Variants in MCCC2 observed in about 807,000 individuals in gnomAD.
The protein encoded by MCCC2 is methylcrotonyl-CoA carboxylase subunit 2.
Under a neutral mutation model 77.2 loss-of-function variants are expected in MCCC2, and 52 were observed. The ratio of observed to expected loss-of-function variants is 0.67; its 90% CI spans 0.54 to 0.85. The LOEUF is 0.85. Among genes scored for constraint, MCCC2 ranks in the 40% least tolerant of loss-of-function variants. The pLI is 0.00. For synonymous variants in MCCC2, 253 were observed against 248.4 expected (o/e 1.02, Z -0.18); for missense variants, 682 against 703.2 (o/e 0.97, Z 0.34).
chr5:71,608,374 T>A (rs1163814753), intron 6 of MCCC2, among the ~76,000 whole-genome samples: 2 of 114,576 alleles, frequency 1.7e-5, no homozygotes, highest in Non-Finnish European at 3.5e-5. Context: ...TTAAAGTCTG[T>A]TTTATCAGAG....
chr5:71,647,131 T>C (rs1747293681), intron 13 of MCCC2, among the ~76,000 whole-genome samples: 1 of 152,184 alleles, frequency 6.6e-6, no homozygotes, highest in Non-Finnish European at 1.5e-5. Flanking sequence ...GTCTGAGATA[T>C]ACAGGGCACT....
intron 5 of MCCC2, among the ~76,000 whole-genome samples, chr5:71,603,916 C>T (rs1745560267): frequency 1.3e-5 from 2 of 152,164 alleles, no homozygotes; most frequent in South Asian, 4.1e-4. Context: ...ATGAGCTCTG[C>T]TTTGAACGCA....
chr5:71,594,645 A>AG (rs1745104810), intron 2 of MCCC2, among the ~76,000 whole-genome samples: 1 of 151,976 alleles, frequency 6.6e-6, no homozygotes, highest in Non-Finnish European at 1.5e-5. Context: ...TGGTGGCCAC[A>AG]GGAGGGTAGA....
At chr5:71,607,517 CA>C (rs2112342589) in intron 6 of MCCC2, among the ~76,000 whole-genome samples, 1 of 145,616 alleles carries the variant, frequency 6.9e-6, no homozygotes, top group African/African-American at 2.5e-5. Flanking sequence ...TTGATCCTTT[CA>C]AAAAACCAGC....
chr5:71,619,847 C>T (rs1327407720), intron 6 of MCCC2, among the ~76,000 whole-genome samples: 1 of 151,794 alleles, frequency 6.6e-6, no homozygotes. Context: ...AAAAATTAGC[C>T]GGGCATGGTG....
intron 6 of MCCC2, among the ~76,000 whole-genome samples, chr5:71,612,339 T>C (rs1422144837): frequency 6.6e-6 from 1 of 152,226 alleles, no homozygotes; most frequent in African/African-American, 2.4e-5. Context: ...TATATCTTTT[T>C]GATTTTTCTA....
chr5:71,636,112 C>T (rs1201669085), intron 10 of MCCC2: 1 of 414,254 alleles, frequency 2.4e-6, no homozygotes, highest in Non-Finnish European at 4.8e-6. Context: ...AGAAATTCTT[C>T]ATGAAATATT....
intron 12 of MCCC2, among the ~76,000 whole-genome samples, chr5:71,644,358 T>C (rs1051136525): frequency 1.3e-5 from 2 of 152,158 alleles, no homozygotes; most frequent in Admixed American, 6.5e-5. Flanking sequence ...TTCTCTTCTA[T>C]CCCATTATCG....
intron 6 of MCCC2, among the ~76,000 whole-genome samples, chr5:71,611,306 G>A (rs1238191887): frequency 6.6e-6 from 1 of 152,174 alleles, no homozygotes; most frequent in Non-Finnish European, 1.5e-5. Context: ...GGAGGCTGAG[G>A]TAGGAGGATC....
chr5:71,637,809 C>T (rs1210752937), intron 10 of MCCC2, among the ~76,000 whole-genome samples: 1 of 152,124 alleles, frequency 6.6e-6, no homozygotes, highest in African/African-American at 2.4e-5. Context: ...AGCTCAGCCT[C>T]CTGGGTTCAT....
At chr5:71,639,310 CT>C (rs910307947) in intron 10 of MCCC2, among the ~76,000 whole-genome samples, 1 of 152,144 alleles carries the variant, frequency 6.6e-6, no homozygotes, top group African/African-American at 2.4e-5. Context: ...CATCAATGAT[CT>C]TAGCTAGATC....
intron 4 of MCCC2, among the ~76,000 whole-genome samples, chr5:71,602,221 G>A (rs758405669): frequency 1.6e-4 from 24 of 151,846 alleles, no homozygotes; most frequent in Non-Finnish European, 3.2e-4. Flanking sequence ...TATGACACAA[G>A]GCTTAGGTTG....
chr5:71,648,988 G>T, intron 13 of MCCC2, 109 bp from the exon 14 acceptor site: 1 of 1,245,908 alleles, frequency 8.0e-7, no homozygotes. Context: ...CTTAAGGCGA[G>T]AGGCATTTAG....
At chr5:71,634,669 G>A (rs988562849) in intron 8 of MCCC2, among the ~76,000 whole-genome samples, 2 of 152,154 alleles carry the variant, frequency 1.3e-5, no homozygotes, top group Non-Finnish European at 2.9e-5. Context: ...AATAGAAGGC[G>A]GGGGTTCTTA....
At chr5:71,635,502 ATAAG>A in intron 10 of MCCC2, 1 of 528,306 alleles carries the variant, frequency 1.9e-6, no homozygotes, top group South Asian at 1.9e-5. Flanking sequence ...TGATTTGGTC[ATAAG>A]TAAGACTCCA....
chr5:71,595,860 A>C (rs1745166009), intron 2 of MCCC2, among the ~76,000 whole-genome samples: 1 of 152,212 alleles, frequency 6.6e-6, no homozygotes, highest in Non-Finnish European at 1.5e-5. Flanking sequence ...AATTTACTGC[A>C]CTTATCATGG....
intron 7 of MCCC2, 152 bp from the exon 8 acceptor site, chr5:71,631,969 T>C (rs1746731524): frequency 4.0e-6 from 3 of 745,656 alleles, no homozygotes; most frequent in African/African-American, 3.5e-5. Context: ...GTCTCCAGGT[T>C]TCCTAGGTGC....
At chr5:71,601,142 A>C (rs1367592843) in intron 4 of MCCC2, among the ~76,000 whole-genome samples, 1 of 152,204 alleles carries the variant, frequency 6.6e-6, no homozygotes, top group Non-Finnish European at 1.5e-5. Flanking sequence ...ATAGAAATGC[A>C]ATCTAGTATT....
chr5:71,626,211 A>T (rs1272290502), intron 6 of MCCC2, among the ~76,000 whole-genome samples: 1 of 152,352 alleles, frequency 6.6e-6, no homozygotes, highest in Non-Finnish European at 1.5e-5. Context: ...CAAAATATTA[A>T]TAACATCCAT....
Sources: allele counts gnomAD v4.1 joint callset (sites outside exome capture counted in the v4.1 genomes callset), GRCh38; gene constraint gnomAD v4.1.1; transcripts MANE v1.5; gene names NCBI Gene and HGNC (gene_info 2026-07-23, HGNC 2026-07-21).